Variants in LUZP2 observed in about 807,000 individuals in gnomAD.
The protein encoded by LUZP2 is leucine zipper protein 2.
A neutral mutation model predicts 51.6 loss-of-function variants in LUZP2; 52 were observed. The observed-to-expected ratio is 1.01, with a 90% confidence interval of 0.81 to 1.27. The LOEUF (loss-of-function observed/expected upper bound fraction) is 1.27, where lower values mean the gene tolerates loss of function less well. Among genes scored for constraint, LUZP2 ranks in the 50% most tolerant of loss-of-function variants. The pLI, the probability that LUZP2 is intolerant of heterozygous loss-of-function variation, is 0.00. For synonymous variants in LUZP2, 154 were observed against 137.3 expected (o/e 1.12, Z -0.85); for missense variants, 436 against 395.4 (o/e 1.10, Z -0.87).
intron 5 of LUZP2, among the ~76,000 whole-genome samples, chr11:24,804,901 G>A (rs1266789925): frequency 6.6e-6 from 1 of 151,958 alleles, no homozygotes; most frequent in African/African-American, 2.4e-5. Context: ...GTACAATGGT[G>A]CAATCTTGGC....
At chr11:24,666,188 G>C (rs1485525673) in intron 1 of LUZP2, among the ~76,000 whole-genome samples, 2 of 152,078 alleles carry the variant, frequency 1.3e-5, no homozygotes, top group Non-Finnish European at 2.9e-5. Flanking sequence ...GAACTCAGGA[G>C]CTGGGGCAAT....
chr11:24,830,109 GA>G (rs11338790), intron 5 of LUZP2, among the ~76,000 whole-genome samples: 23,736 of 151,002 alleles, frequency 0.16, 2,068 homozygotes, highest in African/African-American at 0.22. Context: ...TTTTGTCAGA[GA>G]AAAAAAAACG....
At chr11:24,764,268 CTTTATT>C (rs1454954643) in intron 5 of LUZP2, among the ~76,000 whole-genome samples, 37 of 152,032 alleles carry the variant, frequency 2.4e-4, no homozygotes, top group Admixed American at 2.2e-3. Flanking sequence ...AGAATTTCAA[CTTTATT>C]TTTATCTTTA....
chr11:24,741,816 A>ATTATAGATATATATTTATATATAT (rs1859154035), intron 4 of LUZP2, among the ~76,000 whole-genome samples: 1 of 142,580 alleles, frequency 7.0e-6, no homozygotes. Context: ...GTTAATTATA[A>ATTATAGATATATATTTATATATAT]TTATAGATAT....
At chr11:24,856,492 T>C (rs1797875191) in intron 5 of LUZP2, among the ~76,000 whole-genome samples, 1 of 152,080 alleles carries the variant, frequency 6.6e-6, no homozygotes, top group African/African-American at 2.4e-5. Context: ...GAATGTAAAT[T>C]AGTATACCCT....
chr11:24,547,823 A>C (rs1377721259), intron 1 of LUZP2, among the ~76,000 whole-genome samples: 1 of 152,116 alleles, frequency 6.6e-6, no homozygotes, highest in Non-Finnish European at 1.5e-5. Context: ...GCATCTGATA[A>C]AGGTCTAATA....
intron 1 of LUZP2, among the ~76,000 whole-genome samples, chr11:24,685,493 C>T (rs949660417): frequency 6.6e-6 from 1 of 152,106 alleles, no homozygotes; most frequent in Non-Finnish European, 1.5e-5. Context: ...ATGTTCTTCC[C>T]ACTGTTCCTC....
chr11:24,701,926 G>A (rs1245656398), intron 1 of LUZP2, among the ~76,000 whole-genome samples: 1 of 152,102 alleles, frequency 6.6e-6, no homozygotes, highest in Non-Finnish European at 1.5e-5. Flanking sequence ...TTAATGTCTT[G>A]AACATTTAAA....
intron 5 of LUZP2, among the ~76,000 whole-genome samples, chr11:24,862,478 A>T (rs1440962847): frequency 6.6e-6 from 1 of 152,204 alleles, no homozygotes; most frequent in Non-Finnish European, 1.5e-5. Context: ...CACTATGAAG[A>T]AAGTGCATCA....
At chr11:24,786,591 CATT>C (rs1224520203) in intron 5 of LUZP2, 5 of 254,406 alleles carry the variant, frequency 2.0e-5, no homozygotes, top group East Asian at 1.8e-4. Context: ...TATATATTTG[CATT>C]ATATTATATA....
At chr11:24,848,025 A>G (rs2631466) in intron 5 of LUZP2, among the ~76,000 whole-genome samples, 23,259 of 151,894 alleles carry the variant, frequency 0.15, 1,945 homozygotes, top group African/African-American at 0.2. Flanking sequence ...CTTTTATCTG[A>G]CTCAGTCTGA....
At chr11:24,842,521 G>T (rs990229990) in intron 5 of LUZP2, among the ~76,000 whole-genome samples, 11 of 151,834 alleles carry the variant, frequency 7.2e-5, no homozygotes, top group Admixed American at 3.9e-4. Context: ...GCAAGCAAAT[G>T]TTGACCTCTG....
chr11:24,662,976 G>A (rs1391167929), intron 1 of LUZP2, among the ~76,000 whole-genome samples: 2 of 151,706 alleles, frequency 1.3e-5, no homozygotes, highest in South Asian at 2.1e-4. Flanking sequence ...TAGAAAAATA[G>A]GAAAGGGAAA....
intron 1 of LUZP2, among the ~76,000 whole-genome samples, chr11:24,664,116 C>G (rs558152960): frequency 1.3e-5 from 2 of 152,130 alleles, no homozygotes; most frequent in Non-Finnish European, 2.9e-5. Context: ...ATTGGAAGAG[C>G]TTGGAGAACT....
intron 1 of LUZP2, among the ~76,000 whole-genome samples, chr11:24,625,483 T>G (rs956655716): frequency 5.3e-5 from 8 of 152,116 alleles, no homozygotes; most frequent in Non-Finnish European, 1.0e-4. Context: ...TTTATTACTA[T>G]GTATACATAT....
At chr11:24,601,978 G>A (rs1345932091) in intron 1 of LUZP2, among the ~76,000 whole-genome samples, 2 of 136,992 alleles carry the variant, frequency 1.5e-5, no homozygotes, top group African/African-American at 2.8e-5. Context: ...ATGTGTATAT[G>A]TATATATATG....
At position 24,502,777 on chromosome 11, in the gene LUZP2, A is replaced by G. The variant is rs528261068; in HGVS notation, c.62+5472A>G. Among the ~76,000 whole-genome samples, 62 of 152,332 alleles carry G rather than the reference A, an allele frequency of 4.1e-4. 1 individual carries two copies. The South Asian group carries it at 0.012, about 30-fold the overall frequency. On this transcript the variant is annotated intron_variant, in intron 1 of 11. Coordinates refer to ENST00000336930, the MANE Select transcript of LUZP2 (RefSeq NM_001009909.4). ...TTAATGACTTAGAATGAGATTTAGC[A>G]TAAAAGTGAATATTTGTCTGTTTGT...
intron 1 of LUZP2, among the ~76,000 whole-genome samples, chr11:24,525,262 G>A (rs1344391110): frequency 6.6e-6 from 1 of 151,524 alleles, no homozygotes; most frequent in Non-Finnish European, 1.5e-5. Context: ...TGCTTCATGA[G>A]GAAGAACATT....
intron 1 of LUZP2, among the ~76,000 whole-genome samples, chr11:24,647,770 T>G (rs913213119): frequency 2.0e-5 from 3 of 151,940 alleles, no homozygotes; most frequent in African/African-American, 7.2e-5. Flanking sequence ...TTTTTAAAAT[T>G]TTTACCTACT....
Sources: gnomAD v4.1 joint callset for allele counts (sites outside exome capture counted in the v4.1 genomes callset) on GRCh38, gnomAD v4.1.1 for gene constraint, MANE v1.5 for transcripts, NCBI Gene and HGNC (gene_info 2026-07-23, HGNC 2026-07-21) for gene names.